Variants in C8orf34 observed in about 807,000 individuals in gnomAD.
C8orf34 encodes the protein chromosome 8 open reading frame 34, also known as uncharacterized protein C8orf34.
C8orf34 carries 65 observed loss-of-function variants against 68.3 expected under a neutral mutation model. The ratio of observed to expected loss-of-function variants is 0.95; its 90% CI spans 0.78 to 1.17. C8orf34 has a LOEUF of 1.17. Among genes scored for constraint, C8orf34 ranks in the 50% most tolerant of loss-of-function variants. C8orf34 has a pLI of 0.00. For missense variants in C8orf34, 664 were observed against 655.4 expected (o/e 1.01, Z -0.14); for synonymous variants, 244 against 241.2 (o/e 1.01, Z -0.11).
At chr8:68,671,577 A>T (rs140326181) in intron 8 of C8orf34, among the ~76,000 whole-genome samples, 19 of 152,348 alleles carry the variant, frequency 1.2e-4, no homozygotes, top group African/African-American at 4.6e-4. Context: ...TGAATTCAGA[A>T]GAGCCCACAT....
intron 8 of C8orf34, among the ~76,000 whole-genome samples, chr8:68,689,346 A>G (rs989167711): frequency 1.3e-5 from 2 of 152,060 alleles, no homozygotes; most frequent in African/African-American, 4.8e-5. Context: ...AAATCTCAGA[A>G]ATCACCACTG....
chr8:68,350,983 G>A (rs761925424), intron 1 of C8orf34, among the ~76,000 whole-genome samples: 1 of 151,914 alleles, frequency 6.6e-6, no homozygotes, highest in Non-Finnish European at 1.5e-5. Context: ...TGATATGTGT[G>A]GATTTGATTC....
At chr8:68,459,038 C>T (rs78555560) in intron 3 of C8orf34, among the ~76,000 whole-genome samples, 12,376 of 152,102 alleles carry the variant, frequency 0.081, 618 homozygotes, top group Admixed American at 0.11. Flanking sequence ...ATATTCTTTC[C>T]TTTGTACACA....
chr8:68,641,369 A>C (rs1393700520), intron 8 of C8orf34, among the ~76,000 whole-genome samples: 1 of 152,144 alleles, frequency 6.6e-6, no homozygotes, highest in East Asian at 1.9e-4. Context: ...TTTAATTTTC[A>C]CAGGCTTAGA....
intron 10 of C8orf34, among the ~76,000 whole-genome samples, chr8:68,745,377 T>A (rs1432314213): frequency 6.6e-6 from 1 of 151,622 alleles, no homozygotes; most frequent in Admixed American, 6.6e-5. Context: ...CAAATTCACA[T>A]ATAATAATAT....
intron 7 of C8orf34, among the ~76,000 whole-genome samples, chr8:68,603,226 C>A (rs923241119): frequency 1.3e-5 from 2 of 152,036 alleles, no homozygotes; most frequent in African/African-American, 4.8e-5. Flanking sequence ...CTCATTGCTG[C>A]TGAAAGTGTA....
At chr8:68,635,548 C>A (rs138308172) in intron 7 of C8orf34, among the ~76,000 whole-genome samples, 1 of 152,192 alleles carries the variant, frequency 6.6e-6, no homozygotes, top group Non-Finnish European at 1.5e-5. Context: ...ACATAATCAA[C>A]ATATTCTTTT....
intron 9 of C8orf34, among the ~76,000 whole-genome samples, chr8:68,711,639 CATGAACAAAGCCTCCA>C (rs1258302969): frequency 6.6e-6 from 1 of 152,048 alleles, no homozygotes; most frequent in East Asian, 1.9e-4. Flanking sequence ...ATTTTAAAAA[CATGAACAAAGCCTCCA>C]ATGAACAAAG....
intron 1 of C8orf34, chr8:68,438,467 C>T (rs1810755628): frequency 6.6e-6 from 1 of 151,938 alleles, no homozygotes; most frequent in African/African-American, 2.4e-5. Flanking sequence ...CCACCACCAA[C>T]AAAAAAAGAT....
intron 8 of C8orf34, among the ~76,000 whole-genome samples, chr8:68,642,258 G>T (rs139432393): frequency 6.6e-6 from 1 of 152,180 alleles, no homozygotes; most frequent in Admixed American, 6.5e-5. Context: ...AATGATGAAA[G>T]TTCATGACTG....
chr8:68,419,666 A>G (rs1459472519), intron 1 of C8orf34, among the ~76,000 whole-genome samples: 1 of 151,830 alleles, frequency 6.6e-6, no homozygotes, highest in Non-Finnish European at 1.5e-5. Flanking sequence ...TGATGAGTTC[A>G]TGTCCTTTGT....
chr8:68,472,948 C>T (rs367782829), intron 4 of C8orf34, among the ~76,000 whole-genome samples: 60 of 152,268 alleles, frequency 3.9e-4, no homozygotes, highest in African/African-American at 1.0e-3. Context: ...TACTGGACAT[C>T]ACTGCTCTAA....
chr8:68,393,148 A>T (rs1808542458), intron 1 of C8orf34, among the ~76,000 whole-genome samples: 1 of 152,138 alleles, frequency 6.6e-6, no homozygotes, highest in Non-Finnish European at 1.5e-5. Flanking sequence ...TGTAAGCAGG[A>T]TTGGTCAAGT....
intron 1 of C8orf34, among the ~76,000 whole-genome samples, chr8:68,337,190 T>C (rs1805887613): frequency 6.6e-6 from 1 of 152,154 alleles, no homozygotes; most frequent in Non-Finnish European, 1.5e-5. Context: ...TCCTACAAAA[T>C]ACTTGTAAAT....
intron 8 of C8orf34, among the ~76,000 whole-genome samples, chr8:68,685,277 G>A (rs2130889545): frequency 6.6e-6 from 1 of 152,062 alleles, no homozygotes; most frequent in Non-Finnish European, 1.5e-5. Context: ...ATAACAAGTA[G>A]GTTAAATTCA....
chr8:68,802,168 T>G (rs1174148118), intron 12 of C8orf34, among the ~76,000 whole-genome samples: 2 of 152,144 alleles, frequency 1.3e-5, no homozygotes, highest in Non-Finnish European at 2.9e-5. Flanking sequence ...TGGTGCAATC[T>G]TGGCATACCA....
chr8:68,689,490 T>A (rs898048525), intron 8 of C8orf34, among the ~76,000 whole-genome samples: 5 of 152,122 alleles, frequency 3.3e-5, no homozygotes, highest in African/African-American at 1.2e-4. Flanking sequence ...TCACAGCCCA[T>A]GCTCTGAACT....
intron 12 of C8orf34, among the ~76,000 whole-genome samples, chr8:68,803,936 G>A (rs1050969215): frequency 6.6e-6 from 1 of 151,884 alleles, no homozygotes; most frequent in Non-Finnish European, 1.5e-5. Flanking sequence ...TAATATTTTT[G>A]TGTTGCTTAT....
chr8:68,475,133 T>A (rs1460417419), intron 4 of C8orf34, among the ~76,000 whole-genome samples: 1 of 152,196 alleles, frequency 6.6e-6, no homozygotes. Context: ...GTTGTCCTCA[T>A]GCCCTGAAGT....
Sources: gnomAD v4.1 joint callset for allele counts (sites outside exome capture counted in the v4.1 genomes callset) on GRCh38, gnomAD v4.1.1 for gene constraint, MANE v1.5 for transcripts, NCBI Gene and HGNC (gene_info 2026-07-23, HGNC 2026-07-21) for gene names.